KRT6C: variants seen among roughly 807,000 people sequenced by gnomAD.
KRT6C encodes keratin, type II cytoskeletal 6C.
Under a neutral mutation model 49.4 loss-of-function variants are expected in KRT6C, and 46 were observed. The observed-to-expected ratio is 0.93, with a 90% confidence interval of 0.74 to 1.19. The LOEUF is 1.19. KRT6C is among the 50% of genes most tolerant of loss of function. KRT6C has a pLI of 0.00. For missense variants in KRT6C, 552 were observed against 737.5 expected (o/e 0.75, Z 2.91); for synonymous variants, 236 against 297.1 (o/e 0.79, Z 2.12).
intron 6 of KRT6C, 101 bp from the exon 7 acceptor site, chr12:52,469,991 G>T: frequency 7.6e-7 from 1 of 1,311,810 alleles, no homozygotes; most frequent in Non-Finnish European, 1.1e-6. Context: ...AATTGACAGA[G>T]AATGAGCTTT....
chr12:52,470,140 CA>C, intron 6 of KRT6C: 3 of 617,930 alleles, frequency 4.9e-6, no homozygotes, highest in Non-Finnish European at 5.6e-6. Flanking sequence ...ACAATGGACC[CA>C]AAAACAAGCC....
chr12:52,471,204 A>G lies in KRT6C; in HGVS notation c.1005T>C (p.Ala335=). 6.2e-7 allele frequency: 1 copy of G among 1,614,146 alleles called. No individual in the cohort carries two copies. Among genetic ancestry groups the G allele is most frequent in the Non-Finnish European group, 8.5e-7 (1 of 1,180,012 alleles). The part of the protein sequence containing the change: ...NRNLDLDSII[A]EVKAQYEEIA... ...TCTCCTCGTATTGGGCCTTGACCTCAGCGATGATGCTGTCCAGGTCCAGGT... is the reference window on the plus strand; with the variant it reads ...TCTCCTCGTATTGGGCCTTGACCTCGGCGATGATGCTGTCCAGGTCCAGGT... The change falls in exon 5 of 9, where the codon GCT becomes GCC. Residue 335 remains alanine (A), a synonymous_variant. Coordinates refer to ENST00000252250, the MANE Select transcript of KRT6C (RefSeq NM_173086.5).
Position 52,469,908 on chromosome 12 carries a change from G to A in KRT6C, c.1204-18C>T, listed in dbSNP as rs980024326. 1.2e-6 allele frequency: 2 copies of A among 1,613,850 alleles called. No homozygotes were observed. Among genetic ancestry groups the A allele is most frequent in the African/African-American group, 1.3e-5 (1 of 74,920 alleles). On this transcript the variant is annotated intron_variant, in intron 6 of 8. Coordinates refer to ENST00000252250, the MANE Select transcript of KRT6C (RefSeq NM_173086.5). ...CTGGCACACTAGGAGGGGAAAGGAAGAGAAGGAACTTCTTGTCTGCTCCTC... is the reference window on the plus strand; with the variant it reads ...CTGGCACACTAGGAGGGGAAAGGAAAAGAAGGAACTTCTTGTCTGCTCCTC...
At chr12:52,470,064 A>G in intron 6 of KRT6C, 174 bp from the exon 7 acceptor site, 3 of 795,160 alleles carry the variant, frequency 3.8e-6, no homozygotes, top group Non-Finnish European at 6.2e-6. Flanking sequence ...GTCAAGTGAC[A>G]AAGTCCTATG....
intron 1 of KRT6C, among the ~76,000 whole-genome samples, 161 bp downstream of exon 1, chr12:52,473,037 C>T (rs111854494): frequency 0.017 from 2,517 of 146,258 alleles, 38 homozygotes; most frequent in Non-Finnish European, 0.029. Context: ...GGAGTGATGC[C>T]CATCTGTGCT....
intron 7 of KRT6C, 22 bp from the exon 8 acceptor site, chr12:52,469,467 G>A (rs781463293): frequency 1.2e-6 from 2 of 1,613,960 alleles, no homozygotes; most frequent in East Asian, 4.5e-5. Flanking sequence ...AACACAGGGA[G>A]GGTGAGACCT....
At chr12:52,470,139 C>A in intron 6 of KRT6C, 1 of 620,338 alleles carries the variant, frequency 1.6e-6, no homozygotes, top group Admixed American at 2.9e-5. Context: ...TACAATGGAC[C>A]CAAAAACAAG....
chr12:52,469,080 C>T lies in KRT6C; in HGVS notation c.1677G>A (p.Arg559=), dbSNP rs1937823453. The change falls in exon 9 of 9, where the codon AGG becomes AGA. Residue 559 remains arginine, a synonymous_variant. Transcript: ENST00000252250. ...CAGCACTTTAGTGCTTGTAGCTCTTCCTGCTGGAGGAGGAGGTGGTGGTGT... is the reference window on the plus strand; with the variant it reads ...CAGCACTTTAGTGCTTGTAGCTCTTTCTGCTGGAGGAGGAGGTGGTGGTGT... ...IKYTTTSSSS[R]KSYKH is the part of the protein sequence containing the mutation. The T allele has an allele frequency of 1.2e-6, 2 of 1,614,088 alleles. No homozygotes were observed. Among genetic ancestry groups the T allele is most frequent in the Admixed American group, 1.7e-5 (1 of 60,020 alleles).
Position 52,470,592 on chromosome 12 carries a change from G to C in KRT6C, c.1116C>G (p.Asp372Glu), listed in dbSNP as rs374280857. Residue 372 changes from aspartate to glutamate, a missense_variant, in exon 6 of 9, where the codon GAC becomes GAG. Physicochemically the swap from Asp to Glu is conservative, Grantham distance 45 (BLOSUM62 2). Coordinates refer to ENST00000252250, the MANE Select transcript of KRT6C (RefSeq NM_173086.5). ...TCTCCTGCTTGGTGTTGCGCAGGTC[G>C]TCCCCATGTCTGCCTGCTGTGACCT... ...ELQVTAGRHGDDLRNTKQEIA... is the reference protein window; with the variant it reads ...ELQVTAGRHGEDLRNTKQEIA... The C allele has an allele frequency of 3.7e-6, 6 of 1,613,968 alleles. No homozygotes were observed. The highest frequency in any genetic ancestry group is 5.1e-6 in the Non-Finnish European group (6 of 1,180,000).
At position 52,468,770 on chromosome 12, in the gene KRT6C, C is replaced by A; in HGVS notation, c.*292G>T. ...AGATCATTTTCTTATAATGCTCAGCCTCAGAGAGAACAATTTTGGAGGCAA... is the reference window on the plus strand; with the variant it reads ...AGATCATTTTCTTATAATGCTCAGCATCAGAGAGAACAATTTTGGAGGCAA... On this transcript the variant is annotated 3_prime_UTR_variant, in exon 9 of 9. Transcript: ENST00000252250. 1 of 473,712 alleles carries A rather than the reference C, an allele frequency of 2.1e-6. No individual in the cohort carries two copies. Among genetic ancestry groups the A allele is most frequent in the Non-Finnish European group, 3.8e-6 (1 of 262,248 alleles). The allele number at this position is 473,712 out of a possible 1,614,324, so 29.3% of individuals were successfully genotyped here.
At position 52,472,156 on chromosome 12, in the gene KRT6C, C is replaced by A. The variant is rs145109130; in HGVS notation, c.665G>T (p.Arg222Met). The change falls in exon 2 of 9, where the codon AGG (arginine) becomes ATG (methionine). Residue 222 changes from arginine (R) to methionine (M), a missense_variant. This residue lies in a region of KRT6C where 425 missense variants were observed against 439.4 expected (regional missense o/e 0.97). Transcript: ENST00000252250. ...CCCGACGATGCTGTCCAGCTGCCTC[C>A]TGAGGTTGTTGATGTACTGCTCGAA... The part of the protein sequence containing the change: ...PLFEQYINNL[R>M]RQLDSIVGER... 2,260 of 1,518,768 alleles carry A rather than the reference C, an allele frequency of 1.5e-3. 166 individuals carry two copies. The South Asian group carries it at 0.024, about 16-fold the overall frequency. 94.1% of individuals were successfully genotyped at this position (1,518,768 alleles called of 1,614,324 possible). A position where few individuals can be genotyped will look rare whatever the true frequency, so the allele number is the denominator to read the frequency against.
intron 7 of KRT6C, 67 bp downstream of exon 7, chr12:52,469,603 T>C (rs750382362): frequency 4.1e-5 from 66 of 1,613,508 alleles, no homozygotes; most frequent in Non-Finnish European, 5.5e-5. Flanking sequence ...CACCCTAGAA[T>C]TGTGCTCAGT....
rs749079266 is a variant in KRT6C, at chr12:52,471,124, C to A, written c.1077+8G>T. The A allele has an allele frequency of 6.2e-7, 1 of 1,614,094 alleles. No homozygotes were observed. Among genetic ancestry groups the A allele is most frequent in the South Asian group, 1.1e-5 (1 of 91,082 alleles). On this transcript the variant is annotated splice_region_variant and intron_variant, in intron 5 of 8. Transcript: ENST00000252250. ...GGATTCCTCAGCAGCTGCCCACTCC[C>A]TGCTCACCTTGGTCTGGTACCAGGA...
At chr12:52,471,024 A>T in intron 5 of KRT6C, 108 bp downstream of exon 5, 1 of 1,576,762 alleles carries the variant, frequency 6.3e-7, no homozygotes, top group East Asian at 2.2e-5. Flanking sequence ...ATGTCCTGTG[A>T]GAGGACCCCA....
chr12:52,471,143 A>C lies in KRT6C; in HGVS notation c.1066T>G (p.Tyr356Asp). ...CACTCCCTGCTCACCTTGGTCTGGT[A>C]CCAGGACTCAGCCTCAGCCCGGCTC... ...QRSRAEAESWYQTKYEELQVT... is the reference protein window; with the variant it reads ...QRSRAEAESWDQTKYEELQVT... Residue 356 changes from tyrosine to aspartate, a missense_variant, in exon 5 of 9, where the codon TAC (tyrosine) becomes GAC (aspartate). Physicochemically the swap from Tyr to Asp is radical, Grantham distance 160 (BLOSUM62 -3). This residue lies in a region of KRT6C where 425 missense variants were observed against 439.4 expected (regional missense o/e 0.97). Transcript: ENST00000252250. 1.2e-6 allele frequency: 2 copies of C among 1,614,134 alleles called. No homozygotes were observed. Among genetic ancestry groups the C allele is most frequent in the Non-Finnish European group, 1.7e-6 (2 of 1,180,030 alleles).
chr12:52,469,764 GC>G lies in KRT6C; in HGVS notation c.1329del (p.Leu444CysfsTer2), dbSNP rs1260875476. On this transcript the variant is annotated frameshift_variant, in exon 7 of 9. Transcript: ENST00000252250. LOFTEE classifies it high-confidence loss of function. The stretch of plus-strand genomic sequence containing the variant: ...ATCAGCTCCTGGTACTCCTTCAGCA[GC>G]CGGGCCAGGTCCTGCTTGGCCTTCT... ...ALQKAKQDLA[R>X]LLKEYQELMN... 1 of 1,614,014 alleles carries G rather than the reference GC, an allele frequency of 6.2e-7. No homozygotes were observed. Among genetic ancestry groups the G allele is most frequent in the African/African-American group, 1.3e-5 (1 of 74,908 alleles).
At chr12:52,469,378 G>C (rs373711897) in intron 8 of KRT6C, 33 bp downstream of exon 8, 174 of 1,613,934 alleles carry the variant, frequency 1.1e-4, no homozygotes, top group Non-Finnish European at 1.4e-4. Flanking sequence ...AAGAGTGCGA[G>C]GGCAGGGGAG....
intron 8 of KRT6C, 55 bp downstream of exon 8, chr12:52,469,356 G>C (rs1460121541): frequency 1.2e-6 from 2 of 1,613,910 alleles, no homozygotes; most frequent in East Asian, 2.2e-5. Context: ...CTGCCGGCCT[G>C]AGCCCAGTCA....
Position 52,469,438 on chromosome 12 carries a change from C to T in KRT6C, c.1432G>A (p.Gly478Ser). 6.2e-7 allele frequency: 1 copy of T among 1,613,952 alleles called. No homozygotes were observed. Among genetic ancestry groups the T allele is most frequent in the Non-Finnish European group, 8.5e-7 (1 of 1,179,862 alleles). ...ACGTTGACTTGTCCAACGCCTTCGC[C>T]ATTCAGCCTGTGGAGAGGAACACAG... is the stretch of plus-strand genomic sequence containing the variant. Reference protein sequence around the residue: ...LLEGEECRLNGEGVGQVNVSV... With the variant: ...LLEGEECRLNSEGVGQVNVSV... Residue 478 changes from glycine to serine, a missense_variant, in exon 8 of 9, where the codon GGC (glycine) becomes AGC (serine). By Grantham distance (56) the Gly-to-Ser change is moderately conservative (BLOSUM62 0). This residue lies in a region of KRT6C where 425 missense variants were observed against 439.4 expected (regional missense o/e 0.97). Coordinates refer to ENST00000252250, the MANE Select transcript of KRT6C (RefSeq NM_173086.5).
Sources: gnomAD v4.1 joint callset for allele counts (sites outside exome capture counted in the v4.1 genomes callset) on GRCh38, gnomAD v4.1.1 for gene constraint, gnomAD v4.1.1 regional missense constraint, MANE v1.5 for transcripts, NCBI Gene and HGNC (gene_info 2026-07-23, HGNC 2026-07-21) for gene names.